The following CD81 variants were observed in gnomAD, a reference collection of about 807,000 sequenced individuals.
The protein encoded by CD81 is CD81 antigen.
In CD81, 10 loss-of-function variants were observed where a neutral mutation model predicts 30.1. The ratio of observed to expected loss-of-function variants is 0.33; its 90% confidence interval spans 0.21 to 0.56. The LOEUF (loss-of-function observed/expected upper bound fraction) is 0.56, where lower values mean the gene tolerates loss of function less well. Among genes scored for constraint, CD81 ranks in the 20% least tolerant of loss-of-function variants. CD81 has a pLI of 0.89. For missense variants in CD81, 263 were observed against 308.7 expected (o/e 0.85, Z 1.11); for synonymous variants, 147 against 126.4 (o/e 1.16, Z -1.10).
At chr11:2,381,756 G>A (rs1849708850) in intron 1 of CD81, among the ~76,000 whole-genome samples, 1 of 152,206 alleles carries the variant, frequency 6.6e-6, no homozygotes, top group African/African-American at 2.4e-5. Flanking sequence ...CGTGCTATGG[G>A]TGCTGGGTGA....
chr11:2,386,471 T>A, intron 1 of CD81: 1 of 699,438 alleles, frequency 1.4e-6, no homozygotes, highest in Non-Finnish European at 2.7e-6. Context: ...CCCTCCCTCG[T>A]AGGTGGCCCT....
intron 5 of CD81, 45 bp from the exon 6 acceptor site, chr11:2,395,824 C>T (rs201186403): frequency 1.5e-6 from 2 of 1,359,176 alleles, no homozygotes; most frequent in East Asian, 2.3e-5. Context: ...GCCACCGTCC[C>T]CCTGGGCACA....
At position 2,377,764 on chromosome 11, in the gene CD81, G is replaced by T. The variant is rs556669631; in HGVS notation, c.66+149G>T. ...GTGGGCTCCAGGAGCGGGGTGGGGG[G>T]TCGCCCGGGGCCACCGCGCCCCCCG... On this transcript the variant is annotated intron_variant, in intron 1 of 7. Coordinates refer to ENST00000263645, the MANE Select transcript of CD81 (RefSeq NM_004356.4). The surrounding 1 kb of genome is among the most constrained non-coding windows in gnomAD (Gnocchi z 7.7). The T allele has an allele frequency of 4.6e-4, 143 of 311,748 alleles. 1 individual carries two copies. Among genetic ancestry groups the T allele is most frequent in the Middle Eastern group, 4.4e-3 (4 of 902 alleles). 19.3% of individuals were successfully genotyped at this position (311,748 alleles called of 1,614,324 possible). A position where few individuals can be genotyped will look rare whatever the true frequency, so the allele number is the denominator to read the frequency against.
In CD81 at chr11:2,377,594, C is replaced by A; in HGVS notation, c.45C>A (p.Phe15Leu). The A allele has an allele frequency of 6.5e-7, 1 of 1,544,708 alleles. No individual in the cohort carries two copies. The highest frequency in any genetic ancestry group is 8.7e-7 in the Non-Finnish European group (1 of 1,143,360). ...CCAAGTGCATCAAGTACCTGCTCTT[C>A]GTCTTCAATTTCGTCTTCTGGGTAA... ...GCTKCIKYLL[F>L]VFNFVFWLAG... is the part of the protein sequence containing the mutation. The change falls in exon 1 of 8, where the codon TTC (phenylalanine) becomes TTA (leucine). Residue 15 changes from phenylalanine (F) to leucine (L), a missense_variant. Around this residue, in one of 3 missense-constraint regions of CD81, gnomAD observed 84 missense variants for 98.2 expected, o/e 0.86. Coordinates refer to ENST00000263645, the MANE Select transcript of CD81 (RefSeq NM_004356.4). The surrounding 1 kb of genome is among the most constrained non-coding windows in gnomAD (Gnocchi z 7.7).
intron 1 of CD81, among the ~76,000 whole-genome samples, chr11:2,387,097 A>T (rs1171387339): frequency 6.6e-6 from 1 of 152,222 alleles, no homozygotes; most frequent in Non-Finnish European, 1.5e-5. Flanking sequence ...AGATGGGATC[A>T]TCCCCTCAGC....
At chr11:2,380,319 A>C (rs1849682809) in intron 1 of CD81, among the ~76,000 whole-genome samples, 1 of 152,044 alleles carries the variant, frequency 6.6e-6, no homozygotes, top group African/African-American at 2.4e-5. Flanking sequence ...GTTCCATTTT[A>C]GAGAGGAAAG....
At chr11:2,377,071 C>T (rs1849604522), upstream of CD81, among the ~76,000 whole-genome samples, 1 of 152,262 alleles carries the variant, frequency 6.6e-6, no homozygotes, top group African/African-American at 2.4e-5. The surrounding 1 kb of genome is among the most constrained non-coding windows in gnomAD (Gnocchi z 7.7). Flanking sequence ...CCCTTGGGGG[C>T]TCGGAGCGCG....
At chr11:2,393,421 G>C (rs2133460761) in intron 2 of CD81, 1 of 163,012 alleles carries the variant, frequency 6.1e-6, no homozygotes, top group African/African-American at 2.4e-5. Flanking sequence ...CCCTGGTCCA[G>C]CTGTCCCAGG....
In CD81 at chr11:2,396,114, G is replaced by A; in HGVS notation, c.561+144G>A. On this transcript the variant is annotated intron_variant, in intron 6 of 7. Coordinates refer to ENST00000263645, the MANE Select transcript of CD81 (RefSeq NM_004356.4). ...GCCCCTGTCAGGGCTGCTCTGCTGG[G>A]AGGGTTGGGGTGGGACCGCATCTGG... The A allele has an allele frequency of 3.5e-6, 2 of 575,350 alleles. 1 individual carries two copies. Among genetic ancestry groups the A allele is most frequent in the Non-Finnish European group, 6.5e-6 (2 of 306,310 alleles). 35.6% of individuals were successfully genotyped at this position (575,350 alleles called of 1,614,324 possible). A position where few individuals can be genotyped will look rare whatever the true frequency, so the allele number is the denominator to read the frequency against.
intron 3 of CD81, 72 bp from the exon 4 acceptor site, chr11:2,394,900 C>A: frequency 7.2e-7 from 1 of 1,396,262 alleles, no homozygotes; most frequent in Non-Finnish European, 1.0e-6. Context: ...CTGCTGGGCA[C>A]CTGGGTGTGT....
intron 4 of CD81, 46 bp from the exon 5 acceptor site, chr11:2,395,369 AG>A: frequency 7.0e-7 from 1 of 1,433,472 alleles, no homozygotes; most frequent in Non-Finnish European, 9.8e-7. Flanking sequence ...GGTGGGGGCA[AG>A]GAGGGGGAGG....
At chr11:2,389,379 C>A (rs1849855034) in intron 1 of CD81, among the ~76,000 whole-genome samples, 1 of 152,166 alleles carries the variant, frequency 6.6e-6, no homozygotes, top group Non-Finnish European at 1.5e-5. Flanking sequence ...TCCTCTCCCA[C>A]CACCAGAGGG....
chr11:2,396,323 G>C, intron 6 of CD81: 1 of 575,038 alleles, frequency 1.7e-6, no homozygotes, highest in Non-Finnish European at 3.1e-6. Flanking sequence ...TTCCTGCTGA[G>C]GCCTCAGTGG....
At chr11:2,396,081 GT>G in intron 6 of CD81, 111 bp downstream of exon 6, 1 of 713,010 alleles carries the variant, frequency 1.4e-6, no homozygotes, top group East Asian at 2.8e-5. Flanking sequence ...ACCACACTGG[GT>G]GGCATGGCCC....
intron 6 of CD81, 175 bp downstream of exon 6, chr11:2,396,145 G>T: frequency 1.5e-6 from 1 of 661,452 alleles, no homozygotes; most frequent in Non-Finnish European, 2.8e-6. Flanking sequence ...TCTGGCCCAC[G>T]AGGAAGGCAG....
At chr11:2,386,085 G>A (rs542787547) in intron 1 of CD81, 5 of 717,358 alleles carry the variant, frequency 7.0e-6, no homozygotes, top group African/African-American at 3.5e-5. Flanking sequence ...GGTCTTTTTC[G>A]TGGCAGCCAG....
rs528542259 is a variant in CD81 at position 2,388,399 on chromosome 11, G to C, written c.67-2013G>C. Among the ~76,000 whole-genome samples, 83 of 152,318 alleles carry C rather than the reference G, an allele frequency of 5.4e-4. 1 individual carries two copies. In the South Asian group the frequency reaches 0.013, roughly 24 times the overall value. ...GGCCGGGGACTTGGGTGCAGGCCAT[G>C]GTGCTGGGGCCTGAAGCTCACGCTC... On this transcript the variant is annotated intron_variant, in intron 1 of 7. Transcript: ENST00000263645.
chr11:2,384,599 T>C, intron 1 of CD81: 1 of 131,546 alleles, frequency 7.6e-6, no homozygotes, highest in South Asian at 1.3e-4. Context: ...CGGGGCATCC[T>C]GGGGGCGGGG....
At chr11:2,389,722 C>G (rs1004482068) in intron 1 of CD81, among the ~76,000 whole-genome samples, 3 of 149,180 alleles carry the variant, frequency 2.0e-5, no homozygotes, top group Admixed American at 1.3e-4. Flanking sequence ...GTCCTTCCTC[C>G]CAAGTCCCTT....
Sources: gnomAD v4.1 joint callset for allele counts (sites outside exome capture counted in the v4.1 genomes callset) on GRCh38, gnomAD v4.1.1 for gene constraint, gnomAD v4.1.1 regional missense constraint, Gnocchi (gnomAD v3.1) non-coding constraint, MANE v1.5 for transcripts, NCBI Gene and HGNC (gene_info 2026-07-23, HGNC 2026-07-21) for gene names.